Variants in HNRNPH1 observed in about 807,000 individuals in gnomAD.
HNRNPH1 encodes the protein heterogeneous nuclear ribonucleoprotein H.
HNRNPH1 carries 4 observed loss-of-function variants against 58.6 expected under a neutral mutation model. The ratio of observed to expected loss-of-function variants is 0.07; its 90% CI spans 0.03 to 0.16. The LOEUF (loss-of-function observed/expected upper bound fraction) is 0.16, where lower values mean the gene tolerates loss of function less well. Among genes scored for constraint, HNRNPH1 ranks in the 10% least tolerant of loss-of-function variants. The pLI is 1.00. For missense variants in HNRNPH1, 271 were observed against 564.2 expected, an observed-to-expected ratio of 0.48 and a Z score of 5.26; for synonymous variants, 192 against 189.2, an observed-to-expected ratio of 1.01 and a Z score of -0.12.
chr5:179,627,096 T>C (rs556196569), upstream of HNRNPH1, among the ~76,000 whole-genome samples: 1 of 152,186 alleles, frequency 6.6e-6, no homozygotes, highest in Non-Finnish European at 1.5e-5. Flanking sequence ...CTTCGTATAC[T>C]TCTTACAGTT....
At chr5:179,616,020 A>C in intron 11 of HNRNPH1, 106 bp downstream of exon 12, 2 of 986,810 alleles carry the variant, frequency 2.0e-6, no homozygotes, top group Non-Finnish European at 3.2e-6. Context: ...CCTGCCTGCG[A>C]CTTACTCTAA....
exon 1 of HNRNPH1, chr5:179,623,157 GAAAC>G (rs1562334558): frequency 6.5e-7 from 1 of 1,543,264 alleles, no homozygotes; most frequent in Non-Finnish European, 8.9e-7. Flanking sequence ...GTCCGGCGTC[GAAAC>G]AAACTGCAAA....
intron 2 of HNRNPH1, among the ~76,000 whole-genome samples, chr5:179,631,050 G>T (rs1233809593): frequency 2.0e-5 from 3 of 152,078 alleles, no homozygotes; most frequent in Non-Finnish European, 4.4e-5. Context: ...ATGAAATAGG[G>T]AAGCTTTAGA....
chr5:179,622,113 C>G (rs1772688536), intron 1 of HNRNPH1: 2 of 407,220 alleles, frequency 4.9e-6, no homozygotes, highest in Middle Eastern at 7.1e-4. Context: ...AGAAAATATT[C>G]AGGAAACCTA....
At chr5:179,626,022 C>A (rs1165558684), upstream of HNRNPH1, among the ~76,000 whole-genome samples, 1 of 151,884 alleles carries the variant, frequency 6.6e-6, no homozygotes, top group Non-Finnish European at 1.5e-5. Context: ...TTCTTGGGCT[C>A]AAGGAATCAT....
At position 179,616,116 on chromosome 5, in the gene HNRNPH1, C is replaced by G; in HGVS notation, c.1300+10G>C. On this transcript the variant is annotated intron_variant, in intron 11 of 12. Coordinates refer to ENST00000356731, the Ensembl canonical transcript of HNRNPH1. The stretch of plus-strand genomic sequence containing the variant: ...AACTTACTCTAAGTACAGTAACAAA[C>G]AGGCTTTACCGTATCCACTCATGCT... The G allele has an allele frequency of 1.9e-6, 3 of 1,604,232 alleles. No homozygotes were observed. Among genetic ancestry groups the G allele is most frequent in the African/African-American group, 1.3e-5 (1 of 74,868 alleles).
chr5:179,623,059 A>G (rs115000818), exon 1 of HNRNPH1: 4 of 1,594,764 alleles, frequency 2.5e-6, no homozygotes, highest in African/African-American at 2.7e-5. Flanking sequence ...TCTGCACTTC[A>G]TCGGCCGAGC....
At chr5:179,631,833 G>A (rs972980557) in intron 2 of HNRNPH1, among the ~76,000 whole-genome samples, 4 of 152,192 alleles carry the variant, frequency 2.6e-5, no homozygotes, top group East Asian at 1.9e-4. Context: ...TGGGAGGATC[G>A]CTTGAGCCCA....
intron 1 of HNRNPH1, chr5:179,634,390 A>T (rs1775076678): frequency 1.7e-5 from 1 of 58,398 alleles, no homozygotes; most frequent in African/African-American, 5.4e-5. Context: ...ACGCCTCGAC[A>T]TGCGCCAGAC....
exon 1 of HNRNPH1, chr5:179,623,286 C>G: frequency 2.0e-6 from 1 of 493,168 alleles, no homozygotes; most frequent in South Asian, 2.0e-5. Context: ...CCCACCCCGG[C>G]GACTCCAACA....
chr5:179,621,044 G>C lies in HNRNPH1; in HGVS notation c.254-9C>G, dbSNP rs574160362. The C allele has an allele frequency of 6.2e-7, 1 of 1,612,924 alleles. No individual in the cohort carries two copies. The highest frequency in any genetic ancestry group is 1.1e-5 in the South Asian group (1 of 90,920). On this transcript the variant is annotated splice_polypyrimidine_tract_variant and intron_variant, in intron 2 of 12. Coordinates refer to ENST00000356731, the Ensembl canonical transcript of HNRNPH1. ...GTTGTTTGACTTGAATACTGAAAGA[G>C]GTGCTTAGAATTAGTCACTTTTGGA...
chr5:179,615,132 C>T (rs1768899793), intron 12 of HNRNPH1, 173 bp from the exon 14 acceptor site: 1 of 582,140 alleles, frequency 1.7e-6, no homozygotes. Context: ...CCTCAATTAA[C>T]CCCTTTTCTC....
intron 2 of HNRNPH1, chr5:179,633,923 TAAATAAAATAAAATA>T (rs150750891): frequency 1.4e-5 from 2 of 147,540 alleles, no homozygotes; most frequent in East Asian, 4.1e-4. Context: ...GTCTCTAAAA[TAAATAAAATAAAATA>T]AAATAAAATA....
chr5:179,626,046 C>T (rs1275325902), upstream of HNRNPH1, among the ~76,000 whole-genome samples: 2 of 151,812 alleles, frequency 1.3e-5, no homozygotes, highest in African/African-American at 2.4e-5. Context: ...ACCTCAGCCT[C>T]GCAGAGAAAG....
At chr5:179,616,990 C>T in intron 9 of HNRNPH1, 32 bp from the exon 11 acceptor site, 1 of 1,590,076 alleles carries the variant, frequency 6.3e-7, no homozygotes. Flanking sequence ...ACAAGGTTAG[C>T]TTAAAAAAAA....
At chr5:179,621,178 G>C in intron 2 of HNRNPH1, 64 bp downstream of exon 3, 2 of 1,535,558 alleles carry the variant, frequency 1.3e-6, no homozygotes, top group Non-Finnish European at 1.8e-6. Context: ...CTAAAATTCA[G>C]AAGGGGTGAG....
At chr5:179,623,900 T>C (rs1774005619) in exon 1 of HNRNPH1, 1 of 152,312 alleles carries the variant, frequency 6.6e-6, no homozygotes, top group Non-Finnish European at 1.5e-5. Context: ...TTCCCGCGAA[T>C]ATTGAACTTC....
intron 12 of HNRNPH1, 169 bp from the exon 14 acceptor site, chr5:179,615,128 T>G: frequency 1.7e-6 from 1 of 592,638 alleles, no homozygotes; most frequent in Non-Finnish European, 3.0e-6. Context: ...CAAGCCTCAA[T>G]TAACCCCTTT....
intron 4 of HNRNPH1, chr5:179,618,536 A>C (rs1248357437): frequency 1.7e-5 from 7 of 410,358 alleles, no homozygotes; most frequent in Non-Finnish European, 2.6e-5. Context: ...AAAAAAAAAA[A>C]CTCACTCCTC....
Sources: allele counts gnomAD v4.1 joint callset (sites outside exome capture counted in the v4.1 genomes callset), GRCh38; gene constraint gnomAD v4.1.1; transcripts MANE v1.5; gene names NCBI Gene and HGNC (gene_info 2026-07-23, HGNC 2026-07-21).